RABEP2: variants seen among roughly 807,000 people sequenced by gnomAD.
RABEP2 encodes the protein rabaptin, RAB GTPase binding effector protein 2, also known as rab GTPase-binding effector protein 2.
In RABEP2, 57 loss-of-function variants were observed where a neutral mutation model predicts 74.1. The ratio of observed to expected loss-of-function variants is 0.77; its 90% CI spans 0.62 to 0.96. RABEP2 has a LOEUF of 0.96. RABEP2 is among the 40% of genes least tolerant of loss of function. The probability of loss-of-function intolerance (pLI) is 0.00; values close to 1 mark genes in which losing one functional copy is unlikely to be tolerated. For missense variants in RABEP2, 692 were observed against 756.3 expected (o/e 0.91, Z 1.00); for synonymous variants, 351 against 344.0 (o/e 1.02, Z -0.23).
intron 5 of RABEP2, among the ~76,000 whole-genome samples, chr16:28,911,887 T>C (rs1004618281): frequency 2.0e-5 from 3 of 151,732 alleles, no homozygotes; most frequent in Admixed American, 2.0e-4. Context: ...AGACAGAGGT[T>C]GCAGTGAGCC....
At position 28,904,544 on chromosome 16, in the gene RABEP2, A is replaced by G; in HGVS notation, c.*399T>C. 1 of 1,435,024 alleles carries G rather than the reference A, an allele frequency of 7.0e-7. No individual in the cohort carries two copies. The highest frequency in any genetic ancestry group is 9.2e-7 in the Non-Finnish European group (1 of 1,083,148). 88.9% of individuals were successfully genotyped at this position (1,435,024 alleles called of 1,614,324 possible). On this transcript the variant is annotated 3_prime_UTR_variant, in exon 13 of 13. Coordinates refer to ENST00000358201, the MANE Select transcript of RABEP2 (RefSeq NM_024816.3). Reference sequence around the variant, plus strand: ...CTTAGTGTCATGCAGACCAGAAGGCAGCTGCCTGTCCCAGGGCCGGGGCCC... The same window carrying G: ...CTTAGTGTCATGCAGACCAGAAGGCGGCTGCCTGTCCCAGGGCCGGGGCCC...
At chr16:28,921,055 G>A (rs987626757) in intron 2 of RABEP2, 5 of 406,762 alleles carry the variant, frequency 1.2e-5, no homozygotes, top group African/African-American at 2.1e-5. Context: ...GTAGAGACGG[G>A]GTCTCACCAT....
intron 7 of RABEP2, 109 bp downstream of exon 7, chr16:28,910,779 G>A: frequency 1.0e-6 from 1 of 966,342 alleles, no homozygotes; most frequent in South Asian, 1.6e-5. Flanking sequence ...GGCCTGAGCA[G>A]CTGGGGACAG....
chr16:28,911,167 G>A lies in RABEP2; in HGVS notation c.907C>T (p.Gln303Ter). The A allele has an allele frequency of 6.2e-7, 1 of 1,609,954 alleles. No individual in the cohort carries two copies. Among genetic ancestry groups the A allele is most frequent in the Non-Finnish European group, 8.5e-7 (1 of 1,179,954 alleles). ...EQLQTEGRQL[Q>*]KDLESVSRER... ...CGACTGACGCTCTCCAGGTCCTTCT[G>A]CAGCTGTCGGCCCTGCCACAGACCC... The change falls in exon 6 of 13, where the codon CAG (glutamine) becomes TAG (stop). Residue 303 changes from glutamine (Q) to a stop codon, truncating the protein, a stop_gained. Transcript: ENST00000358201. LOFTEE classifies it high-confidence loss of function.
chr16:28,924,630 G>A lies in RABEP2; in HGVS notation c.62-15C>T. On this transcript the variant is annotated splice_polypyrimidine_tract_variant and intron_variant, in intron 1 of 12. Transcript: ENST00000358201. ...GTCCTCCAGTGCTGTGGGGGACAGG[G>A]ATCAGCCTCTCTTCCCATCTCTTAC... is the stretch of plus-strand genomic sequence containing the variant. 1.9e-6 allele frequency: 3 copies of A among 1,601,990 alleles called. No individual in the cohort carries two copies. The highest frequency in any genetic ancestry group is 2.6e-6 in the Non-Finnish European group (3 of 1,176,178).
At chr16:28,924,109 G>T in intron 2 of RABEP2, 1 of 428,720 alleles carries the variant, frequency 2.3e-6, no homozygotes, top group South Asian at 2.4e-5. Context: ...GAAGTTTCTC[G>T]CCCATCTTCA....
In RABEP2 at chr16:28,904,698, A is replaced by C; in HGVS notation, c.*245T>G. 3.1e-6 allele frequency: 2 copies of C among 645,720 alleles called. No homozygotes were observed. The highest frequency in any genetic ancestry group is 5.1e-6 in the Non-Finnish European group (2 of 392,292). 40.0% of individuals were successfully genotyped at this position (645,720 alleles called of 1,614,324 possible). ...CAGCAGCCAGAAAGCCGCAGGCCTG[A>C]GCCTGCACCTTTGGTTCCGGGAGGG... On this transcript the variant is annotated 3_prime_UTR_variant, in exon 13 of 13. Coordinates refer to ENST00000358201, the MANE Select transcript of RABEP2 (RefSeq NM_024816.3).
rs555827345 is a variant in RABEP2 at position 28,904,632 on chromosome 16, C to T, written c.*311G>A. On this transcript the variant is annotated 3_prime_UTR_variant, in exon 13 of 13. Transcript: ENST00000358201. The stretch of plus-strand genomic sequence containing the variant: ...GCTCCGCTGTGCCCTGGGCAGGGGA[C>T]GGGCTGGGGGCAGGGGAGGGCTGGA... 1.2e-5 allele frequency: 11 copies of T among 936,854 alleles called. No homozygotes were observed. Among genetic ancestry groups the T allele is most frequent in the East Asian group, 3.6e-5 (1 of 27,528 alleles). 58.0% of individuals were successfully genotyped at this position (936,854 alleles called of 1,614,324 possible).
intron 4 of RABEP2, 35 bp from the exon 5 acceptor site, chr16:28,914,621 AG>A (rs1964362691): frequency 6.2e-7 from 1 of 1,610,758 alleles, no homozygotes; most frequent in African/African-American, 1.3e-5. Context: ...CTGGGGGGCC[AG>A]GGTCCTCTGG....
At position 28,906,071 on chromosome 16, in the gene RABEP2, T is replaced by C. The variant is rs758897642; in HGVS notation, c.1371A>G (p.Thr457=). ...GCCCCTCCAGGCTGGCCCTGGCCAC[T>C]GTCTCCTCCTCCAGAGCCTCCCGCA... ...VTLREALEEE[T]VARASLEGQL... Residue 457 remains threonine (T), a synonymous_variant, in exon 9 of 13, where the codon ACA becomes ACG. Coordinates refer to ENST00000358201, the MANE Select transcript of RABEP2 (RefSeq NM_024816.3). 1.6e-5 allele frequency: 26 copies of C among 1,599,364 alleles called. No homozygotes were observed. Among genetic ancestry groups the C allele is most frequent in the Non-Finnish European group, 2.1e-5 (25 of 1,173,856 alleles).
chr16:28,922,403 G>C (rs777657667), intron 2 of RABEP2, among the ~76,000 whole-genome samples: 1 of 151,294 alleles, frequency 6.6e-6, no homozygotes, highest in Non-Finnish European at 1.5e-5. Context: ...TGGCTAACAC[G>C]GTGAAACCCC....
chr16:28,923,799 G>C (rs1028884536), intron 2 of RABEP2, among the ~76,000 whole-genome samples: 6 of 152,196 alleles, frequency 3.9e-5, no homozygotes, highest in African/African-American at 1.4e-4. Context: ...GAGTTGACGA[G>C]AGCCCCACCG....
At chr16:28,906,713 C>T (rs924242540) in intron 8 of RABEP2, among the ~76,000 whole-genome samples, 18 of 152,040 alleles carry the variant, frequency 1.2e-4, no homozygotes, top group Admixed American at 2.6e-4. Context: ...TGCAGTGAGC[C>T]GAGATCGCGC....
intron 2 of RABEP2, among the ~76,000 whole-genome samples, chr16:28,920,416 C>T (rs1425360633): frequency 6.6e-6 from 1 of 150,514 alleles, no homozygotes; most frequent in Non-Finnish European, 1.5e-5. Flanking sequence ...GACAGAGTCT[C>T]ACTCTGTCAC....
At chr16:28,916,174 G>A (rs1303613784) in intron 3 of RABEP2, 1 of 152,250 alleles carries the variant, frequency 6.6e-6, no homozygotes, top group Non-Finnish European at 1.5e-5. Flanking sequence ...CTCTTCAAAG[G>A]AAGAGGGTGT....
chr16:28,905,346 G>T, intron 12 of RABEP2, 51 bp downstream of exon 12: 2 of 1,342,922 alleles, frequency 1.5e-6, no homozygotes, highest in Non-Finnish European at 2.1e-6. Flanking sequence ...ACCCAGGAGA[G>T]GTCACCCGGA....
chr16:28,904,926 G>A lies in RABEP2; in HGVS notation c.*17C>T. On this transcript the variant is annotated 3_prime_UTR_variant, in exon 13 of 13. Transcript: ENST00000358201. ...AAGGCGTCTTTCCCAGGGTGGGGGT[G>A]GGGATATCCTGACCCCTCAGGTGTC... The A allele has an allele frequency of 1.3e-6, 2 of 1,576,910 alleles. No homozygotes were observed. The highest frequency in any genetic ancestry group is 1.7e-6 in the Non-Finnish European group (2 of 1,148,348).
Position 28,914,459 on chromosome 16 carries a change from A to G in RABEP2, c.671T>C (p.Phe224Ser), listed in dbSNP as rs1204143871. Residue 224 changes from phenylalanine (F) to serine (S), a missense_variant, in exon 5 of 13, where the codon TTC becomes TCC. Phe to Ser is a radical substitution (Grantham distance 155). Coordinates refer to ENST00000358201, the MANE Select transcript of RABEP2 (RefSeq NM_024816.3). ...SGDGGPAAEA[F>S]AHNCDDSASI... ...GGCGCTGTCATCGCAGTTGTGAGCG[A>G]AGGCCTCAGCGGCTGGACCCCCATC... 2 of 1,613,370 alleles carry G rather than the reference A, an allele frequency of 1.2e-6. No homozygotes were observed. The highest frequency in any genetic ancestry group is 3.3e-5 in the Admixed American group (2 of 60,008).
chr16:28,910,636 G>A (rs1308457086), intron 7 of RABEP2: 3 of 447,402 alleles, frequency 6.7e-6, no homozygotes, highest in African/African-American at 6.0e-5. Flanking sequence ...TTTTATAGAT[G>A]GTGAGGCAGA....
Sources: allele counts gnomAD v4.1 joint callset (sites outside exome capture counted in the v4.1 genomes callset), GRCh38; gene constraint gnomAD v4.1.1; transcripts MANE v1.5; gene names NCBI Gene and HGNC (gene_info 2026-07-23, HGNC 2026-07-21).